Variants in ZMYND11 observed in about 807,000 individuals in gnomAD.
The protein encoded by ZMYND11 is zinc finger MYND domain-containing protein 11.
Under a neutral mutation model 84.9 loss-of-function variants are expected in ZMYND11, and 9 were observed. The ratio of observed to expected loss-of-function variants is 0.11; its 90% CI spans 0.06 to 0.18. The LOEUF is 0.18. Among genes scored for constraint, ZMYND11 ranks in the 10% least tolerant of loss-of-function variants. ZMYND11 has a pLI of 1.00. For missense variants in ZMYND11, 409 were observed against 761.0 expected (o/e 0.54, Z 5.44); for synonymous variants, 250 against 244.1 (o/e 1.02, Z -0.23).
At chr10:230,477 A>C (rs1948831864) in intron 4 of ZMYND11, among the ~76,000 whole-genome samples, 1 of 8,282 alleles carries the variant, frequency 1.2e-4, no homozygotes, top group Non-Finnish European at 5.5e-4. Context: ...AGTCTCAAAA[A>C]AAAAAAAAAA....
At chr10:195,517 T>A (rs1941518083) in intron 2 of ZMYND11, among the ~76,000 whole-genome samples, 1 of 152,156 alleles carries the variant, frequency 6.6e-6, no homozygotes, top group Admixed American at 6.5e-5. Flanking sequence ...GCCTCACACA[T>A]CAATATGGGT....
chr10:159,055 A>C (rs1368088370), intron 1 of ZMYND11, among the ~76,000 whole-genome samples: 2 of 148,516 alleles, frequency 1.3e-5, no homozygotes, highest in Non-Finnish European at 3.0e-5. Context: ...TTGAAACACA[A>C]AACTTTTTAA....
At chr10:213,911 A>G (rs1945709554) in intron 3 of ZMYND11, among the ~76,000 whole-genome samples, 1 of 152,232 alleles carries the variant, frequency 6.6e-6, no homozygotes, top group Non-Finnish European at 1.5e-5. Context: ...AGAAATATGC[A>G]TATATTGAAC....
At chr10:246,042 G>GA (rs1952061747) in intron 10 of ZMYND11, among the ~76,000 whole-genome samples, 1 of 152,104 alleles carries the variant, frequency 6.6e-6, no homozygotes, top group Non-Finnish European at 1.5e-5. Context: ...CAACATTTGG[G>GA]ATGGATACAA....
intron 4 of ZMYND11, among the ~76,000 whole-genome samples, chr10:231,029 A>C (rs147232472): frequency 5.3e-5 from 8 of 152,352 alleles, no homozygotes; most frequent in Admixed American, 5.2e-4. Flanking sequence ...ATGACAAATA[A>C]TACTTTGTGA....
chr10:155,998 G>A (rs1554758783), intron 1 of ZMYND11, among the ~76,000 whole-genome samples: 2 of 152,222 alleles, frequency 1.3e-5, no homozygotes, highest in Non-Finnish European at 2.9e-5. Flanking sequence ...TCAAGCACAT[G>A]AGTGCAAAAG....
At chr10:150,538 T>C (rs1840085788) in intron 1 of ZMYND11, among the ~76,000 whole-genome samples, 1 of 152,164 alleles carries the variant, frequency 6.6e-6, no homozygotes, top group South Asian at 2.1e-4. Flanking sequence ...GGCCTATCAA[T>C]TTTATTGATG....
At chr10:229,649 T>A (rs1948673122) in intron 4 of ZMYND11, among the ~76,000 whole-genome samples, 1 of 152,180 alleles carries the variant, frequency 6.6e-6, no homozygotes, top group African/African-American at 2.4e-5. Flanking sequence ...CATTTCAGTG[T>A]GTCAGTACTG....
At chr10:219,239 C>T (rs1026580840) in intron 3 of ZMYND11, among the ~76,000 whole-genome samples, 1 of 152,086 alleles carries the variant, frequency 6.6e-6, no homozygotes, top group African/African-American at 2.4e-5. Flanking sequence ...GTGGAGAGGC[C>T]AGAGGTATGC....
intron 4 of ZMYND11, among the ~76,000 whole-genome samples, chr10:232,874 T>G (rs1173301917): frequency 6.6e-6 from 1 of 152,218 alleles, no homozygotes; most frequent in East Asian, 1.9e-4. Context: ...TATTCCTCTT[T>G]GTGCAGTAAA....
chr10:242,525 C>T (rs1245910911), intron 10 of ZMYND11, among the ~76,000 whole-genome samples: 1 of 152,102 alleles, frequency 6.6e-6, no homozygotes, highest in African/African-American at 2.4e-5. Context: ...AGACTAAAAT[C>T]GTCAATCTTG....
Position 246,756 on chromosome 10 carries a change from T to C in ZMYND11, c.951-10T>C. 2 of 1,613,668 alleles carry C rather than the reference T, an allele frequency of 1.2e-6. No individual in the cohort carries two copies. Among genetic ancestry groups the C allele is most frequent in the Non-Finnish European group, 1.7e-6 (2 of 1,179,710 alleles). Reference sequence around the variant, plus strand: ...ATGTTTCTAACTATACCTTTATGTGTTTTTCCTAGGGCCTGGATTCCTTCT... The same window carrying C: ...ATGTTTCTAACTATACCTTTATGTGCTTTTCCTAGGGCCTGGATTCCTTCT... On this transcript the variant is annotated splice_polypyrimidine_tract_variant and intron_variant, in intron 10 of 14. Transcript: ENST00000381604.
chr10:166,345 A>G (rs1488783654), intron 1 of ZMYND11, among the ~76,000 whole-genome samples: 2 of 152,176 alleles, frequency 1.3e-5, no homozygotes, highest in Non-Finnish European at 2.9e-5. Flanking sequence ...CAAAGCTTAT[A>G]TCTGATACTG....
Position 240,637 on chromosome 10 carries a change from C to G in ZMYND11, c.754-256C>G, listed in dbSNP as rs139279467. ...GTCTGAAGTGCTAACCAGTGAGGTC[C>G]GGGCAGGGCCCAGTCAGACCAGCCT... On this transcript the variant is annotated intron_variant, in intron 8 of 14. Coordinates refer to ENST00000381604, the MANE Select transcript of ZMYND11 (RefSeq NM_001370100.5). Among the ~76,000 whole-genome samples, 66 of 152,320 alleles carry G rather than the reference C, an allele frequency of 4.3e-4. No individual in the cohort carries two copies. The East Asian group carries it at 0.012, about 27-fold the overall frequency.
intron 4 of ZMYND11, among the ~76,000 whole-genome samples, chr10:233,079 T>G (rs921031852): frequency 6.6e-6 from 1 of 152,212 alleles, no homozygotes; most frequent in African/African-American, 2.4e-5. Context: ...TCTTAGGAAG[T>G]TGGTGCAGTG....
chr10:185,355 G>T (rs1350284252), intron 2 of ZMYND11, among the ~76,000 whole-genome samples: 1 of 151,806 alleles, frequency 6.6e-6, no homozygotes, highest in African/African-American at 2.4e-5. Flanking sequence ...TAATTTTGTT[G>T]TACTGTGTAT....
intron 1 of ZMYND11, among the ~76,000 whole-genome samples, chr10:175,649 C>A (rs782363661): frequency 2.0e-5 from 3 of 152,068 alleles, no homozygotes; most frequent in Non-Finnish European, 4.4e-5. Context: ...GACTTCTGAT[C>A]ACAAAAGCAA....
Position 252,588 on chromosome 10 carries a change from C to A in ZMYND11, c.*118C>A. ...CCCATTTTGCACCAGCCTTTAAACA[C>A]TTTTCGTGAAGAAATTTTGCACAGT... On this transcript the variant is annotated 3_prime_UTR_variant, in exon 15 of 15. Transcript: ENST00000381604. The surrounding 1 kb of genome is among the most constrained non-coding windows in gnomAD (Gnocchi z 4.6). 7.1e-7 allele frequency: 1 copy of A among 1,405,188 alleles called. No homozygotes were observed. The highest frequency in any genetic ancestry group is 9.3e-7 in the Non-Finnish European group (1 of 1,069,910). 87.0% of individuals were successfully genotyped at this position (1,405,188 alleles called of 1,614,324 possible).
In ZMYND11 at chr10:217,249, G is replaced by A. The variant is rs151049172; in HGVS notation, c.277-3946G>A. Among the ~76,000 whole-genome samples the A allele has an allele frequency of 2.3e-3, 347 of 152,262 alleles. 2 individuals are homozygous for A. Among genetic ancestry groups the A allele is most frequent in the African/African-American group, 7.7e-3 (322 of 41,552 alleles). ...GCTCTATCTAGCATATAGAAGCATTGTGGGCTGGGTGCAGTAGCTCACACC... is the reference window on the plus strand; with the variant it reads ...GCTCTATCTAGCATATAGAAGCATTATGGGCTGGGTGCAGTAGCTCACACC... On this transcript the variant is annotated intron_variant, in intron 3 of 14. Transcript: ENST00000381604.
Sources: allele counts gnomAD v4.1 joint callset (sites outside exome capture counted in the v4.1 genomes callset), GRCh38; gene constraint gnomAD v4.1.1; non-coding constraint Gnocchi (gnomAD v3.1); transcripts MANE v1.5; gene names NCBI Gene and HGNC (gene_info 2026-07-23, HGNC 2026-07-21).